The following SPATA7 variants were observed in gnomAD, a reference collection of about 807,000 sequenced individuals.
SPATA7 encodes the protein spermatogenesis associated 7.
A neutral mutation model predicts 51.8 loss-of-function variants in SPATA7; 43 were observed. That is an observed-to-expected ratio of 0.83 (90% CI 0.65 to 1.07). The LOEUF is 1.07. Ranked by LOEUF, SPATA7 falls within the 50% of genes least tolerant of loss-of-function variation. The probability of loss-of-function intolerance (pLI) is 0.00; values close to 1 mark genes in which losing one functional copy is unlikely to be tolerated. For missense variants in SPATA7, 683 were observed against 701.3 expected (o/e 0.97, Z 0.30); for synonymous variants, 230 against 252.8 (o/e 0.91, Z 0.86).
chr14:88,467,219 AT>A (rs1255547378), intron 4 of SPATA7: 101 of 152,272 alleles, frequency 6.6e-4, no homozygotes, highest in African/African-American at 2.4e-3. Context: ...CTCAGCGCCC[AT>A]TGTTATTGTG....
At chr14:88,436,434 C>T (rs2077089285) in intron 10 of SPATA7, among the ~76,000 whole-genome samples, 2 of 152,032 alleles carry the variant, frequency 1.3e-5, no homozygotes, top group South Asian at 4.2e-4. Flanking sequence ...AATTTGTGAT[C>T]CCATTTGTCC....
chr14:88,435,072 T>A (rs1048141989), intron 10 of SPATA7, among the ~76,000 whole-genome samples: 1 of 152,202 alleles, frequency 6.6e-6, no homozygotes, highest in Non-Finnish European at 1.5e-5. Context: ...TAAAGGCTTT[T>A]GACCTCAGGG....
At chr14:88,393,170 G>A (rs1486321111) in intron 2 of SPATA7, among the ~76,000 whole-genome samples, 1 of 152,018 alleles carries the variant, frequency 6.6e-6, no homozygotes, top group Non-Finnish European at 1.5e-5. Context: ...CAGAGTCTCA[G>A]GCTTGTAAAA....
chr14:88,437,665 A>T, intron 11 of SPATA7, 68 bp downstream of exon 11: 1 of 1,416,316 alleles, frequency 7.1e-7, no homozygotes, highest in Non-Finnish European at 9.8e-7. Context: ...TTTTTTTCAT[A>T]CCTTCAAACA....
chr14:88,438,416 T>C lies in SPATA7; in HGVS notation c.1794T>C (p.Asp598=), dbSNP rs2077152554. The change falls in exon 12 of 12, where the codon GAT becomes GAC. Residue 598 remains aspartate (D), a synonymous_variant. Transcript: ENST00000393545. ...MEMSIEDCPL[D]V is the part of the protein sequence containing the mutation. ...TGAGCATTGAGGACTGCCCTTTGGATGTTTAATCTTCATTAATAAATACCT... is the reference window on the plus strand; with the variant it reads ...TGAGCATTGAGGACTGCCCTTTGGACGTTTAATCTTCATTAATAAATACCT... 1 of 1,610,570 alleles carries C rather than the reference T, an allele frequency of 6.2e-7. No homozygotes were observed. Among genetic ancestry groups the C allele is most frequent in the Admixed American group, 1.7e-5 (1 of 59,904 alleles).
At position 88,469,644 on chromosome 14, in the gene SPATA7, G is replaced by A; in HGVS notation, c.255-203G>A. The A allele has an allele frequency of 6.2e-7, 1 of 1,614,100 alleles. No homozygotes were observed. The highest frequency in any genetic ancestry group is 8.5e-7 in the Non-Finnish European group (1 of 1,180,020). The stretch of plus-strand genomic sequence containing the variant: ...AGCAGCCAGAGTCTGTGCGGAACCG[G>A]GTCGTGATCTTAAACCTTCCATAGG... On this transcript the variant is annotated intron_variant, in intron 4 of 4. Transcript: ENST00000556406. The surrounding 1 kb of genome is among the most constrained non-coding windows in gnomAD (Gnocchi z 4.3).
chr14:88,437,688 C>G, intron 11 of SPATA7, 91 bp downstream of exon 11: 16 of 1,346,384 alleles, frequency 1.2e-5, no homozygotes, highest in Non-Finnish European at 1.7e-5. Context: ...ACATTAAAAG[C>G]AAGTGCTTTT....
chr14:88,432,497 T>C (rs1313736240), intron 9 of SPATA7: 1 of 152,226 alleles, frequency 6.6e-6, no homozygotes, highest in Non-Finnish European at 1.5e-5. Flanking sequence ...TACTAAAATA[T>C]AGTTATAATA....
intron 4 of SPATA7, among the ~76,000 whole-genome samples, chr14:88,408,537 A>G (rs562484383): frequency 6.6e-6 from 1 of 152,206 alleles, no homozygotes; most frequent in South Asian, 2.1e-4. Context: ...TGAATATACA[A>G]TCATGTCATC....
At chr14:88,455,140 C>G (rs1460901244) in exon 4 of SPATA7, 1 of 455,460 alleles carries the variant, frequency 2.2e-6, no homozygotes, top group Non-Finnish European at 4.4e-6. Flanking sequence ...AGCATATGTT[C>G]TACTATAGAG....
intron 6 of SPATA7, among the ~76,000 whole-genome samples, chr14:88,427,337 A>G (rs1171885631): frequency 2.6e-5 from 4 of 152,180 alleles, no homozygotes; most frequent in Non-Finnish European, 5.9e-5. Flanking sequence ...TGTGATTGTG[A>G]TTGTTTTTCT....
intron 7 of SPATA7, chr14:88,429,102 G>T (rs1233080670): frequency 7.1e-6 from 2 of 280,478 alleles, no homozygotes; most frequent in East Asian, 7.2e-5. Context: ...ATGTTTATTT[G>T]TGGCAATTTC....
At chr14:88,429,730 A>G (rs961546366) in intron 8 of SPATA7, among the ~76,000 whole-genome samples, 18 of 152,220 alleles carry the variant, frequency 1.2e-4, no homozygotes, top group Admixed American at 1.1e-3. Flanking sequence ...TGTTCATTAA[A>G]AAAATGATTT....
At chr14:88,459,167 G>T (rs2077302223), downstream of SPATA7, among the ~76,000 whole-genome samples, 1 of 152,194 alleles carries the variant, frequency 6.6e-6, no homozygotes, top group African/African-American at 2.4e-5. Flanking sequence ...TGGAATAAGG[G>T]CAATGTGGTG....
rs1477998929 is a variant in SPATA7, at chr14:88,385,722, C to T, written c.-97C>T. ...CTGCTGCTGCAGCCCCCGTCGGCTC[C>T]TCTTTTCCAGTCCTCCACTGCCGGG... On this transcript the variant is annotated 5_prime_UTR_variant, in exon 1 of 12. Coordinates refer to ENST00000393545, the MANE Select transcript of SPATA7 (RefSeq NM_018418.5). 3.2e-6 allele frequency: 4 copies of T among 1,268,702 alleles called. No individual in the cohort carries two copies. The African/African-American group carries it at 4.4e-5, about 14-fold the overall frequency. The allele number at this position is 1,268,702 out of a possible 1,614,324, so 78.6% of individuals were successfully genotyped here.
At chr14:88,433,311 T>C (rs2076989944) in intron 10 of SPATA7, 99 bp downstream of exon 10, 1 of 825,180 alleles carries the variant, frequency 1.2e-6, no homozygotes, top group Admixed American at 2.5e-5. Context: ...TTTTCCCATA[T>C]TAGGAAATGA....
At chr14:88,401,075 T>G (rs1398992842) in intron 4 of SPATA7, among the ~76,000 whole-genome samples, 1 of 152,156 alleles carries the variant, frequency 6.6e-6, no homozygotes, top group East Asian at 1.9e-4. Flanking sequence ...TATATCTGAT[T>G]GATATAAGTG....
chr14:88,431,340 G>T, intron 9 of SPATA7, 115 bp downstream of exon 9: 2 of 973,224 alleles, frequency 2.1e-6, no homozygotes, highest in South Asian at 2.6e-5. Context: ...AAACTGGCAA[G>T]TAATAAATGT....
intron 4 of SPATA7, among the ~76,000 whole-genome samples, chr14:88,408,078 C>T (rs1469606012): frequency 6.6e-5 from 10 of 152,048 alleles, no homozygotes; most frequent in Admixed American, 5.9e-4. Context: ...TTAGGATTGT[C>T]TTGGATATAC....
Sources: gnomAD v4.1 joint callset for allele counts (sites outside exome capture counted in the v4.1 genomes callset) on GRCh38, gnomAD v4.1.1 for gene constraint, Gnocchi (gnomAD v3.1) non-coding constraint, MANE v1.5 for transcripts, NCBI Gene and HGNC (gene_info 2026-07-23, HGNC 2026-07-21) for gene names.